Variants in DLGAP1 observed in about 807,000 individuals in gnomAD.
DLGAP1 encodes disks large-associated protein 1.
In DLGAP1, 11 loss-of-function variants were observed where a neutral mutation model predicts 90.8. The ratio of observed to expected loss-of-function variants is 0.12; its 90% CI spans 0.08 to 0.20. The LOEUF (loss-of-function observed/expected upper bound fraction) is 0.20, where lower values mean the gene tolerates loss of function less well. DLGAP1 is among the 10% of genes least tolerant of loss of function. DLGAP1 has a pLI of 1.00. For synonymous variants in DLGAP1, 558 were observed against 540.7 expected, an observed-to-expected ratio of 1.03 and a Z score of -0.44; for missense variants, 1,050 against 1,333.8, an observed-to-expected ratio of 0.79 and a Z score of 3.31.
intron 10 of DLGAP1, among the ~76,000 whole-genome samples, chr18:3,528,658 C>T (rs1480170947): frequency 6.6e-6 from 1 of 152,172 alleles, no homozygotes. Context: ...ATTGTGAGGG[C>T]AAGATGAATA....
intron 1 of DLGAP1, among the ~76,000 whole-genome samples, chr18:4,365,744 T>A (rs2081749132): frequency 6.6e-6 from 1 of 152,136 alleles, no homozygotes; most frequent in Non-Finnish European, 1.5e-5. Context: ...CTTAAAATTG[T>A]GTAGGCAATA....
chr18:4,157,883 CTTAGCAAGAAGGCA>C (rs1481686569), intron 1 of DLGAP1, among the ~76,000 whole-genome samples: 3 of 152,242 alleles, frequency 2.0e-5, no homozygotes, highest in African/African-American at 7.2e-5. Context: ...TTCCTTCAAC[CTTAGCAAGAAGGCA>C]AAGGGTTTTA....
chr18:4,070,699 T>C (rs2075434715), intron 2 of DLGAP1, among the ~76,000 whole-genome samples: 3 of 151,994 alleles, frequency 2.0e-5, no homozygotes. Context: ...AAAAGAAGCA[T>C]TTCCATATGG....
chr18:4,245,886 A>G (rs1442522324), intron 1 of DLGAP1, among the ~76,000 whole-genome samples: 2 of 152,168 alleles, frequency 1.3e-5, no homozygotes, highest in Non-Finnish European at 2.9e-5. Context: ...TCTTGGGGAC[A>G]GGGCCCCGAC....
At chr18:3,867,013 G>A (rs574417044) in intron 4 of DLGAP1, among the ~76,000 whole-genome samples, 3 of 152,140 alleles carry the variant, frequency 2.0e-5, no homozygotes, top group Admixed American at 6.5e-5. Context: ...CACCACACCC[G>A]GCTAATTTTT....
chr18:4,273,001 G>C (rs952984066), intron 1 of DLGAP1, among the ~76,000 whole-genome samples: 1 of 152,108 alleles, frequency 6.6e-6, no homozygotes, highest in Non-Finnish European at 1.5e-5. Context: ...ATGCATCAAG[G>C]AGGGATTCTC....
intron 7 of DLGAP1, chr18:3,606,454 TC>T (rs1360316101): frequency 1.9e-5 from 1 of 52,586 alleles, no homozygotes; most frequent in African/African-American, 1.9e-4. Context: ...AATACTTATT[TC>T]TTTCCCTAAT....
At chr18:3,520,973 T>G (rs1568121337) in intron 10 of DLGAP1, among the ~76,000 whole-genome samples, 1 of 152,208 alleles carries the variant, frequency 6.6e-6, no homozygotes, top group Non-Finnish European at 1.5e-5. Context: ...CTTCCCCGAT[T>G]CTGCCTTCCC....
chr18:3,898,045 T>C (rs142123542), intron 3 of DLGAP1, among the ~76,000 whole-genome samples: 15,339 of 151,610 alleles, frequency 0.1, 865 homozygotes, highest in Non-Finnish European at 0.13. Flanking sequence ...CCGCCCGCCT[T>C]GGCCTCCCAA....
intron 2 of DLGAP1, among the ~76,000 whole-genome samples, chr18:4,066,779 G>T (rs897270582): frequency 6.6e-6 from 1 of 152,060 alleles, no homozygotes; most frequent in Non-Finnish European, 1.5e-5. Context: ...ATTCCTCAAT[G>T]ACCTAAGGAC....
chr18:3,867,146 C>T (rs1436210082), intron 4 of DLGAP1, among the ~76,000 whole-genome samples: 1 of 152,140 alleles, frequency 6.6e-6, no homozygotes, highest in African/African-American at 2.4e-5. Flanking sequence ...ACCACTGCGC[C>T]CAGCCAGAAT....
chr18:3,863,528 C>T (rs926671612), intron 4 of DLGAP1, among the ~76,000 whole-genome samples: 2 of 152,220 alleles, frequency 1.3e-5, no homozygotes, highest in Non-Finnish European at 2.9e-5. Context: ...GCTCTTCTCA[C>T]ACCTGGAAGC....
At chr18:3,568,953 T>C (rs988140749) in intron 8 of DLGAP1, among the ~76,000 whole-genome samples, 1 of 151,924 alleles carries the variant, frequency 6.6e-6, no homozygotes, top group African/African-American at 2.4e-5. Flanking sequence ...CCCAAAGTGC[T>C]GGGATTACAG....
chr18:3,502,527 T>C lies in DLGAP1; in HGVS notation c.2690A>G (p.Asn897Ser), dbSNP rs2049991595. The change falls in exon 12 of 13, where the codon AAT becomes AGT. Residue 897 changes from asparagine (N) to serine (S), a missense_variant. Asn to Ser is a conservative substitution (Grantham distance 46, BLOSUM62 1). This residue lies in a region of DLGAP1 where 565 missense variants were observed against 879.7 expected (regional missense o/e 0.64). Coordinates refer to ENST00000315677, the MANE Select transcript of DLGAP1 (RefSeq NM_004746.4). The stretch of plus-strand genomic sequence containing the variant: ...AAGAGGATCCATCTGTTTCCAATTA[T>C]TGGCCTTTAACTGATGAAGTTCATC... ...KFDELHQLKA[N>S]NWKQMDPLDK... 1.2e-6 allele frequency: 2 copies of C among 1,614,216 alleles called. No homozygotes were observed. The highest frequency in any genetic ancestry group is 1.7e-6 in the Non-Finnish European group (2 of 1,180,024).
intron 7 of DLGAP1, among the ~76,000 whole-genome samples, chr18:3,585,814 C>T (rs189220048): frequency 4.7e-4 from 71 of 151,782 alleles, no homozygotes; most frequent in Admixed American, 2.4e-3. Flanking sequence ...AGTCCCCCTC[C>T]AAAAAAAAGC....
chr18:3,708,149 G>A (rs2061494483), intron 7 of DLGAP1, among the ~76,000 whole-genome samples: 1 of 151,980 alleles, frequency 6.6e-6, no homozygotes. Flanking sequence ...GGGACTACAG[G>A]TGTGCACCAC....
intron 7 of DLGAP1, among the ~76,000 whole-genome samples, chr18:3,587,414 T>C (rs1213365939): frequency 6.6e-6 from 1 of 152,164 alleles, no homozygotes; most frequent in African/African-American, 2.4e-5. Flanking sequence ...GGAGAACTTT[T>C]CTAGCTAAAG....
intron 7 of DLGAP1, among the ~76,000 whole-genome samples, chr18:3,675,643 T>C (rs4413061): frequency 0.65 from 99,017 of 152,086 alleles, 34,094 homozygotes; most frequent in African/African-American, 0.88. Flanking sequence ...AGCGGCCTCA[T>C]CCTCCAGCTG....
At chr18:4,047,071 G>A (rs2075065901) in intron 2 of DLGAP1, among the ~76,000 whole-genome samples, 1 of 152,192 alleles carries the variant, frequency 6.6e-6, no homozygotes, top group Non-Finnish European at 1.5e-5. Context: ...TTACTTCAAT[G>A]TTGAATTTCC....
Sources: gnomAD v4.1 joint callset for allele counts (sites outside exome capture counted in the v4.1 genomes callset) on GRCh38, gnomAD v4.1.1 for gene constraint, gnomAD v4.1.1 regional missense constraint, MANE v1.5 for transcripts, NCBI Gene and HGNC (gene_info 2026-07-23, HGNC 2026-07-21) for gene names.